Variants in MCTP2 observed in about 807,000 individuals in gnomAD.
The protein encoded by MCTP2 is multiple C2 and transmembrane domain-containing protein 2.
Under a neutral mutation model 111.6 loss-of-function variants are expected in MCTP2, and 132 were observed. That is an observed-to-expected ratio of 1.18 (90% CI 1.03 to 1.37). MCTP2 has a LOEUF of 1.37. MCTP2 is among the 40% of genes most tolerant of loss of function. The pLI is 0.00. For missense variants in MCTP2, 1,183 were observed against 1,067.9 expected (o/e 1.11, Z -1.50); for synonymous variants, 395 against 387.7 (o/e 1.02, Z -0.22).
intron 1 of MCTP2, among the ~76,000 whole-genome samples, chr15:94,290,461 A>G (rs2074981988): frequency 1.3e-5 from 2 of 152,246 alleles, no homozygotes; most frequent in African/African-American, 4.8e-5. Flanking sequence ...ATGGAACACT[A>G]TAACCTCAAC....
chr15:94,460,354 G>T (rs983986176), intron 20 of MCTP2, among the ~76,000 whole-genome samples: 1 of 152,230 alleles, frequency 6.6e-6, no homozygotes, highest in African/African-American at 2.4e-5. Flanking sequence ...CCAAGACTAT[G>T]TGGGAGATAC....
intron 14 of MCTP2, among the ~76,000 whole-genome samples, chr15:94,392,068 A>G (rs187098568): frequency 6.6e-6 from 1 of 152,142 alleles, no homozygotes; most frequent in Non-Finnish European, 1.5e-5. Flanking sequence ...AAAAGATTGA[A>G]TTAACAATAA....
chr15:94,423,511 C>A (rs906791364), intron 17 of MCTP2, among the ~76,000 whole-genome samples: 1 of 152,112 alleles, frequency 6.6e-6, no homozygotes, highest in African/African-American at 2.4e-5. Flanking sequence ...TTCAAACTCC[C>A]CCAAAGTCAA....
At chr15:94,313,625 C>T (rs1012497121) in intron 2 of MCTP2, among the ~76,000 whole-genome samples, 2 of 151,994 alleles carry the variant, frequency 1.3e-5, no homozygotes, top group African/African-American at 4.8e-5. Context: ...CACTTGAACT[C>T]AGGAGGTGGA....
chr15:94,468,145 C>G (rs1194909465), intron 20 of MCTP2, among the ~76,000 whole-genome samples: 1 of 152,072 alleles, frequency 6.6e-6, no homozygotes, highest in Non-Finnish European at 1.5e-5. Flanking sequence ...TTTCTACTAT[C>G]CAAACTGATA....
chr15:94,277,704 T>A (rs1275353068), intron 1 of MCTP2, among the ~76,000 whole-genome samples: 1 of 152,098 alleles, frequency 6.6e-6, no homozygotes, highest in Admixed American at 6.5e-5. Flanking sequence ...AGCAGGGGAT[T>A]TTTTATGACG....
At chr15:94,478,333 T>C (rs548717874) in intron 22 of MCTP2, among the ~76,000 whole-genome samples, 2 of 152,306 alleles carry the variant, frequency 1.3e-5, no homozygotes, top group African/African-American at 4.8e-5. Flanking sequence ...TCCAGGAAGA[T>C]GTACAGTATG....
intron 1 of MCTP2, among the ~76,000 whole-genome samples, chr15:94,244,340 G>A (rs1215070811): frequency 1.4e-5 from 2 of 144,798 alleles, no homozygotes; most frequent in Non-Finnish European, 3.0e-5. Context: ...ATATATACAC[G>A]TATACGTATA....
chr15:94,336,641 T>C (rs947088604), intron 4 of MCTP2, among the ~76,000 whole-genome samples: 2 of 151,820 alleles, frequency 1.3e-5, no homozygotes, highest in Non-Finnish European at 2.9e-5. Context: ...GCAACATTTT[T>C]AGAGGACTGA....
intron 1 of MCTP2, chr15:94,292,966 T>C (rs182883138): frequency 3.9e-5 from 6 of 152,264 alleles, no homozygotes; most frequent in Admixed American, 3.9e-4. Context: ...AGCAATTCAG[T>C]GGAGATATTA....
In MCTP2 at chr15:94,470,363, A is replaced by G; in HGVS notation, c.2391A>G (p.Ser797=). Reference sequence around the variant, plus strand: ...TTAACTGGACGGTCCCCTTCCTTTCATCTCTGGCCTGTTTGATTCTGGCAG... The same window carrying G: ...TTAACTGGACGGTCCCCTTCCTTTCGTCTCTGGCCTGTTTGATTCTGGCAG... The part of the protein sequence containing the change: ...NTFNWTVPFL[S]SLACLILAAA... The change falls in exon 21 of 23, where the codon TCA becomes TCG. Residue 797 remains serine (S), a synonymous_variant. Coordinates refer to ENST00000357742, the MANE Select transcript of MCTP2 (RefSeq NM_001385001.1). 5 of 1,608,168 alleles carry G rather than the reference A, an allele frequency of 3.1e-6. No homozygotes were observed. The highest frequency in any genetic ancestry group is 4.3e-6 in the Non-Finnish European group (5 of 1,174,710).
chr15:94,276,097 G>A (rs1210704387), intron 1 of MCTP2, among the ~76,000 whole-genome samples: 3 of 152,084 alleles, frequency 2.0e-5, no homozygotes, highest in African/African-American at 4.8e-5. Context: ...GCCCGCCTTG[G>A]CCTCCCAAAG....
chr15:94,451,964 T>C (rs1406216933), intron 19 of MCTP2, among the ~76,000 whole-genome samples: 2 of 152,216 alleles, frequency 1.3e-5, no homozygotes, highest in African/African-American at 4.8e-5. Flanking sequence ...TATGTGATAA[T>C]ATTTAATTTT....
At chr15:94,450,400 C>G (rs2084372605) in intron 19 of MCTP2, among the ~76,000 whole-genome samples, 1 of 152,202 alleles carries the variant, frequency 6.6e-6, no homozygotes, top group African/African-American at 2.4e-5. Flanking sequence ...CCACAAAATG[C>G]CTCATGGGAA....
intron 14 of MCTP2, among the ~76,000 whole-genome samples, chr15:94,391,899 G>A (rs181229694): frequency 1.1e-4 from 17 of 152,230 alleles, no homozygotes; most frequent in Admixed American, 9.8e-4. Flanking sequence ...TTTCTATTAA[G>A]TGGAAAAACC....
intron 1 of MCTP2, among the ~76,000 whole-genome samples, chr15:94,248,670 C>T (rs1243116747): frequency 6.6e-6 from 1 of 151,972 alleles, no homozygotes; most frequent in East Asian, 1.9e-4. Context: ...ATTAGAGCTT[C>T]CTCTACTTTA....
At chr15:94,231,554 C>G (rs548889699), upstream of MCTP2, 1 of 152,438 alleles carries the variant, frequency 6.6e-6, no homozygotes, top group African/African-American at 2.4e-5. Context: ...CCCGCCCCCG[C>G]CGCGTCAGGG....
intron 1 of MCTP2, among the ~76,000 whole-genome samples, chr15:94,268,158 G>T (rs1465351789): frequency 1.4e-5 from 2 of 147,554 alleles, no homozygotes; most frequent in African/African-American, 5.0e-5. Context: ...GAGCCACCAC[G>T]CCCGGCCCAA....
intron 12 of MCTP2, 117 bp from the exon 13 acceptor site, chr15:94,383,905 A>C: frequency 1.4e-6 from 1 of 714,742 alleles, no homozygotes. Flanking sequence ...CTCATTGGAA[A>C]AGCAGTCTTG....
Sources: allele counts gnomAD v4.1 joint callset (sites outside exome capture counted in the v4.1 genomes callset), GRCh38; gene constraint gnomAD v4.1.1; transcripts MANE v1.5; gene names NCBI Gene and HGNC (gene_info 2026-07-23, HGNC 2026-07-21).